Variants in ENAH observed in about 807,000 individuals in gnomAD.
ENAH encodes protein enabled homolog.
A neutral mutation model predicts 78.7 loss-of-function variants in ENAH; 23 were observed. The observed-to-expected ratio is 0.29, with a 90% CI of 0.21 to 0.41. The LOEUF (loss-of-function observed/expected upper bound fraction) is 0.41. Among genes scored for constraint, ENAH ranks in the 10% least tolerant of loss-of-function variants. ENAH has a pLI of 1.00. For missense variants in ENAH, 544 were observed against 691.0 expected, an observed-to-expected ratio of 0.79 and a Z score of 2.39; for synonymous variants, 226 against 241.0, an observed-to-expected ratio of 0.94 and a Z score of 0.58.
At position 225,567,164 on chromosome 1, in the gene ENAH, T is replaced by TGGAA. The variant is rs2096738975; in HGVS notation, c.171+84_171+85insTTCC. The TGGAA allele has an allele frequency of 2.0e-6, 3 of 1,472,504 alleles. No individual in the cohort carries two copies. The African/African-American group carries it at 4.3e-5, about 21-fold the overall frequency. 91.2% of individuals were successfully genotyped at this position (1,472,504 alleles called of 1,614,324 possible). A position where few individuals can be genotyped will look rare whatever the true frequency, so the allele number is the denominator to read the frequency against. On this transcript the variant is annotated intron_variant, in intron 2 of 13. Transcript: ENST00000366843. The stretch of plus-strand genomic sequence containing the variant: ...AGAGAGAGACTATTTTGATTACAGT[T>TGGAA]TTAAAACTACTTTATTTTACGGAAT...
intron 3 of ENAH, among the ~76,000 whole-genome samples, chr1:225,537,417 T>C (rs1293463441): frequency 1.3e-5 from 2 of 152,186 alleles, no homozygotes; most frequent in East Asian, 3.8e-4. Flanking sequence ...ATGTAAAATA[T>C]TGATCTAAAT....
intron 1 of ENAH, among the ~76,000 whole-genome samples, chr1:225,568,826 T>A (rs1373903084): frequency 6.6e-6 from 1 of 152,228 alleles, no homozygotes; most frequent in East Asian, 1.9e-4. Context: ...GTCACAGCAC[T>A]GAGTAATAAA....
chr1:225,585,369 G>A (rs2096841014), intron 1 of ENAH, among the ~76,000 whole-genome samples: 1 of 151,774 alleles, frequency 6.6e-6, no homozygotes, highest in Admixed American at 6.6e-5. Flanking sequence ...ATAAATGAAG[G>A]TTATTAACCA....
chr1:225,583,374 C>G (rs2096828844), intron 1 of ENAH, among the ~76,000 whole-genome samples: 1 of 141,494 alleles, frequency 7.1e-6, no homozygotes, highest in Admixed American at 7.6e-5. Context: ...GGTGGAGTTG[C>G]AGTGAGCCAA....
chr1:225,615,772 G>GC (rs2097026734), intron 1 of ENAH, among the ~76,000 whole-genome samples: 1 of 146,910 alleles, frequency 6.8e-6, no homozygotes, highest in African/African-American at 2.5e-5. Flanking sequence ...CTGCCCGGCC[G>GC]CCCCGTCTGA....
chr1:225,593,414 G>T lies in ENAH; in HGVS notation c.6-26000C>A, dbSNP rs1558874144. On this transcript the variant is annotated intron_variant, in intron 1 of 13. Coordinates refer to ENST00000366843, the MANE Select transcript of ENAH (RefSeq NM_018212.6). The stretch of plus-strand genomic sequence containing the variant: ...CTGTGTGTGTGTGGGGGGGGGGGGG[G>T]GGGTGGGGGGTGCCCTAGTATGAGA... 1.6e-4 allele frequency among the ~76,000 whole-genome samples: 18 copies of T among 111,464 alleles called. 2 individuals are homozygous for T. The highest frequency in any genetic ancestry group is 1.2e-3 in the South Asian group (3 of 2,468). 73.1% of individuals were successfully genotyped at this position (111,464 alleles called of 152,430 possible).
chr1:225,499,211 G>T (rs1188085775), intron 12 of ENAH, among the ~76,000 whole-genome samples: 2 of 151,942 alleles, frequency 1.3e-5, no homozygotes, highest in Non-Finnish European at 1.5e-5. Context: ...CTACAGCCAG[G>T]CACGGTGGCT....
rs1023481078 is a variant in ENAH, at chr1:225,652,753, G to GT, written c.-64_-63insA. The GT allele has an allele frequency of 1.5e-6, 2 of 1,293,030 alleles. No homozygotes were observed. Among genetic ancestry groups the GT allele is most frequent in the African/African-American group, 3.1e-5 (2 of 64,790 alleles). 80.1% of individuals were successfully genotyped at this position (1,293,030 alleles called of 1,614,324 possible). ...GACGCAGAAGGCGCCGAGCCGAGGG[G>GT]GGGGTCTCTCCTCCAGGGGTGGGGA... On this transcript the variant is annotated 5_prime_UTR_variant, in exon 1 of 14. Transcript: ENST00000366843.
chr1:225,559,317 G>A (rs1008630967), intron 2 of ENAH, among the ~76,000 whole-genome samples: 8 of 152,114 alleles, frequency 5.3e-5, no homozygotes, highest in Non-Finnish European at 1.2e-4. Flanking sequence ...TTTGAAATTT[G>A]TTGACACTTT....
At chr1:225,562,878 C>A (rs1033355244) in intron 2 of ENAH, among the ~76,000 whole-genome samples, 1 of 151,308 alleles carries the variant, frequency 6.6e-6, no homozygotes, top group Admixed American at 6.6e-5. Context: ...GAGACTGAGG[C>A]AGAAGGATCA....
At chr1:225,650,334 CCTCT>C (rs1017462959) in intron 1 of ENAH, among the ~76,000 whole-genome samples, 86 of 152,244 alleles carry the variant, frequency 5.6e-4, no homozygotes, top group African/African-American at 2.0e-3. Context: ...CAGCGTGGTT[CCTCT>C]CTCTCTACAC....
intron 1 of ENAH, among the ~76,000 whole-genome samples, chr1:225,595,160 C>G (rs1294331639): frequency 6.6e-6 from 1 of 152,004 alleles, no homozygotes; most frequent in African/African-American, 2.4e-5. Flanking sequence ...TGGTGAAACC[C>G]CGGCTCTACT....
intron 6 of ENAH, among the ~76,000 whole-genome samples, chr1:225,516,019 G>C (rs1455878999): frequency 6.6e-6 from 1 of 152,164 alleles, no homozygotes; most frequent in African/African-American, 2.4e-5. Context: ...CAATGTTTAA[G>C]TACAAATTTG....
intron 4 of ENAH, among the ~76,000 whole-genome samples, chr1:225,521,981 G>C (rs552770634): frequency 6.4e-4 from 97 of 152,188 alleles, no homozygotes; most frequent in Middle Eastern, 6.8e-3. Flanking sequence ...ATTTTTAGTA[G>C]AGACGGGGTT....
intron 1 of ENAH, among the ~76,000 whole-genome samples, chr1:225,645,736 TTTTA>T (rs780124328): frequency 1.3e-5 from 2 of 152,228 alleles, no homozygotes; most frequent in East Asian, 1.9e-4. Context: ...TATGCCAGAA[TTTTA>T]TTTAATTTTC....
At chr1:225,604,621 C>CAA (rs762454618) in intron 1 of ENAH, among the ~76,000 whole-genome samples, 30 of 88,916 alleles carry the variant, frequency 3.4e-4, no homozygotes, top group South Asian at 7.3e-4. Context: ...CCGTCTCTAC[C>CAA]AAAAAAAAAA....
chr1:225,637,781 G>A (rs1268003409), intron 1 of ENAH, among the ~76,000 whole-genome samples: 1 of 152,094 alleles, frequency 6.6e-6, no homozygotes, highest in Non-Finnish European at 1.5e-5. Context: ...GGCAACAGTG[G>A]GTGTGATGGC....
intron 4 of ENAH, among the ~76,000 whole-genome samples, chr1:225,525,661 G>A (rs141144497): frequency 6.6e-6 from 1 of 152,134 alleles, no homozygotes; most frequent in Non-Finnish European, 1.5e-5. Flanking sequence ...CCTGGATGCT[G>A]TCATGGGTTC....
intron 1 of ENAH, among the ~76,000 whole-genome samples, chr1:225,613,639 G>C (rs1167650159): frequency 6.6e-6 from 1 of 151,740 alleles, no homozygotes; most frequent in Non-Finnish European, 1.5e-5. Flanking sequence ...ACAAAGCAAA[G>C]GTCTGGTTCA....
Sources: allele counts gnomAD v4.1 joint callset (sites outside exome capture counted in the v4.1 genomes callset), GRCh38; gene constraint gnomAD v4.1.1; transcripts MANE v1.5; gene names NCBI Gene and HGNC (gene_info 2026-07-23, HGNC 2026-07-21).